The following SH3GL2 variants were observed in gnomAD, a reference collection of about 807,000 sequenced individuals.
SH3GL2 encodes endophilin-A1.
In SH3GL2, 24 loss-of-function variants were observed where a neutral mutation model predicts 46.0. That is an observed-to-expected ratio of 0.52 (90% CI 0.38 to 0.73). The LOEUF (loss-of-function observed/expected upper bound fraction) is 0.73. Ranked by LOEUF, SH3GL2 falls within the 30% of genes least tolerant of loss-of-function variation. The probability of loss-of-function intolerance (pLI) is 0.00; values close to 1 mark genes in which losing one functional copy is unlikely to be tolerated. For missense variants in SH3GL2, 413 were observed against 424.2 expected, an observed-to-expected ratio of 0.97 and a Z score of 0.23; for synonymous variants, 196 against 147.1, an observed-to-expected ratio of 1.33 and a Z score of -2.40.
chr9:17,619,641 C>T (rs966439839), intron 1 of SH3GL2, among the ~76,000 whole-genome samples: 3 of 151,502 alleles, frequency 2.0e-5, no homozygotes, highest in African/African-American at 4.9e-5. Flanking sequence ...GTCACCATTG[C>T]GCTCTAGCCT....
At chr9:17,738,910 ATG>A (rs1822441882) in intron 1 of SH3GL2, among the ~76,000 whole-genome samples, 1 of 152,116 alleles carries the variant, frequency 6.6e-6, no homozygotes, top group African/African-American at 2.4e-5. Flanking sequence ...CAGATTGTAG[ATG>A]TTAACCATTT....
At chr9:17,661,652 T>G (rs959417394) in intron 1 of SH3GL2, among the ~76,000 whole-genome samples, 2 of 152,170 alleles carry the variant, frequency 1.3e-5, no homozygotes, top group African/African-American at 2.4e-5. Context: ...ACTACATAAA[T>G]AAAACAAAAC....
chr9:17,707,366 G>A (rs1380586296), intron 1 of SH3GL2, among the ~76,000 whole-genome samples: 1 of 151,972 alleles, frequency 6.6e-6, no homozygotes, highest in Non-Finnish European at 1.5e-5. Context: ...CTATCTTCTA[G>A]GTGTGTTTAA....
chr9:17,743,994 A>G (rs1036841876), intron 1 of SH3GL2, among the ~76,000 whole-genome samples: 3 of 152,202 alleles, frequency 2.0e-5, no homozygotes, highest in Non-Finnish European at 4.4e-5. Flanking sequence ...TCTATCTATA[A>G]TGATTCTCTT....
At chr9:17,603,820 G>A (rs935599353) in intron 1 of SH3GL2, among the ~76,000 whole-genome samples, 4 of 152,098 alleles carry the variant, frequency 2.6e-5, no homozygotes, top group Non-Finnish European at 5.9e-5. Flanking sequence ...AGCTGAGATC[G>A]TGCCATTGCA....
chr9:17,658,327 A>G (rs1193915434), intron 1 of SH3GL2, among the ~76,000 whole-genome samples: 1 of 152,216 alleles, frequency 6.6e-6, no homozygotes, highest in Admixed American at 6.5e-5. Context: ...TACCTGTTTT[A>G]GTAGCAAATT....
intron 1 of SH3GL2, among the ~76,000 whole-genome samples, chr9:17,663,017 T>A (rs1352757394): frequency 6.6e-6 from 1 of 152,208 alleles, no homozygotes; most frequent in African/African-American, 2.4e-5. Context: ...AAGTCCTTTT[T>A]AAATAAACCT....
In SH3GL2 at chr9:17,791,282, C is replaced by A; in HGVS notation, c.676C>A (p.His226Asn). 1 of 1,613,742 alleles carries A rather than the reference C, an allele frequency of 6.2e-7. No homozygotes were observed. The highest frequency in any genetic ancestry group is 1.1e-5 in the South Asian group (1 of 91,074). The change falls in exon 7 of 9, where the codon CAC (histidine) becomes AAC (asparagine). Residue 226 changes from histidine (H) to asparagine (N), a missense_variant. By Grantham distance (68) the His-to-Asn change is moderately conservative. This residue lies in a region of SH3GL2 where 248 missense variants were observed against 215.0 expected (regional missense o/e 1.15). Transcript: ENST00000380607. Reference protein sequence around the residue: ...SALVQAQLEYHKQAVQILQQV... With the variant: ...SALVQAQLEYNKQAVQILQQV... Reference sequence around the variant, plus strand: ...ACTTGTGCAAGCTCAGCTGGAGTACCACAAGCAGGCAGTCCAGATCCTGCA... The same window carrying A: ...ACTTGTGCAAGCTCAGCTGGAGTACAACAAGCAGGCAGTCCAGATCCTGCA...
At chr9:17,707,380 C>G (rs1317388861) in intron 1 of SH3GL2, among the ~76,000 whole-genome samples, 3 of 152,004 alleles carry the variant, frequency 2.0e-5, no homozygotes, top group Admixed American at 1.3e-4. Flanking sequence ...TGTTTAATTT[C>G]AAGTCTCAAC....
chr9:17,585,320 A>T (rs142851835), intron 1 of SH3GL2, among the ~76,000 whole-genome samples: 2 of 152,116 alleles, frequency 1.3e-5, no homozygotes, highest in Non-Finnish European at 2.9e-5. Flanking sequence ...GAGATGAGCA[A>T]TTCTTCTCAA....
intron 3 of SH3GL2, among the ~76,000 whole-genome samples, chr9:17,776,266 A>G (rs371344536): frequency 3.7e-4 from 56 of 152,266 alleles, no homozygotes; most frequent in South Asian, 2.7e-3. Flanking sequence ...TTTGAATTGT[A>G]GTAAATGAAA....
chr9:17,628,438 G>A (rs527379169), intron 1 of SH3GL2, among the ~76,000 whole-genome samples: 1 of 149,688 alleles, frequency 6.7e-6, no homozygotes, highest in African/African-American at 2.5e-5. Flanking sequence ...GTGTGTGTGT[G>A]TGTGTGTGTG....
chr9:17,785,750 C>T (rs1485759270), intron 3 of SH3GL2, among the ~76,000 whole-genome samples: 1 of 152,212 alleles, frequency 6.6e-6, no homozygotes, highest in East Asian at 1.9e-4. Flanking sequence ...CTTTGAGGCA[C>T]AAAACTAATT....
chr9:17,680,286 A>C (rs971450442), intron 1 of SH3GL2, among the ~76,000 whole-genome samples: 1 of 151,956 alleles, frequency 6.6e-6, no homozygotes, highest in African/African-American at 2.4e-5. Flanking sequence ...GCAAGCTATT[A>C]ATTATTGCCT....
intron 1 of SH3GL2, among the ~76,000 whole-genome samples, chr9:17,707,081 A>T (rs1821490296): frequency 6.6e-6 from 1 of 152,052 alleles, no homozygotes; most frequent in Admixed American, 6.6e-5. Context: ...GAAAATCAGG[A>T]GAGCAGCCTA....
chr9:17,662,131 G>T (rs997535601), intron 1 of SH3GL2, among the ~76,000 whole-genome samples: 8 of 152,108 alleles, frequency 5.3e-5, no homozygotes, highest in African/African-American at 1.9e-4. Flanking sequence ...CATTCTTTGT[G>T]TTCTGTAAAT....
chr9:17,616,786 T>C (rs1426308606), intron 1 of SH3GL2, among the ~76,000 whole-genome samples: 2 of 152,232 alleles, frequency 1.3e-5, no homozygotes, highest in African/African-American at 4.8e-5. Flanking sequence ...TTTTGCATCT[T>C]ATTGTCTGAT....
In SH3GL2 at chr9:17,767,042, G is replaced by A. The variant is rs543535260; in HGVS notation, c.187+5533G>A. On this transcript the variant is annotated intron_variant, in intron 3 of 8. Coordinates refer to ENST00000380607, the MANE Select transcript of SH3GL2 (RefSeq NM_003026.5). Reference sequence around the variant, plus strand: ...ACTTAGCATCCTTGTTATGAGAGAGGCCTTTTCAGTTTGCACTGAGAAGTT... The same window carrying A: ...ACTTAGCATCCTTGTTATGAGAGAGACCTTTTCAGTTTGCACTGAGAAGTT... 2.6e-5 allele frequency among the ~76,000 whole-genome samples: 4 copies of A among 152,292 alleles called. No individual in the cohort carries two copies. The East Asian group carries it at 5.8e-4, about 22-fold the overall frequency.
In SH3GL2 at chr9:17,794,163, C is replaced by G. The variant is rs369267552; in HGVS notation, c.859+666C>G. Among the ~76,000 whole-genome samples, 17 of 152,248 alleles carry G rather than the reference C, an allele frequency of 1.1e-4. No individual in the cohort carries two copies. In the East Asian group the frequency reaches 1.7e-3, roughly 16 times the overall value. Reference sequence around the variant, plus strand: ...TGCATACCAAATAGAGCATTCTTTACCTTGTCACACTTGCTCTCCACTCCT... The same window carrying G: ...TGCATACCAAATAGAGCATTCTTTAGCTTGTCACACTTGCTCTCCACTCCT... On this transcript the variant is annotated intron_variant, in intron 8 of 8. Transcript: ENST00000380607.
Sources: gnomAD v4.1 joint callset for allele counts (sites outside exome capture counted in the v4.1 genomes callset) on GRCh38, gnomAD v4.1.1 for gene constraint, gnomAD v4.1.1 regional missense constraint, MANE v1.5 for transcripts, NCBI Gene and HGNC (gene_info 2026-07-23, HGNC 2026-07-21) for gene names.